SPON1: variants seen among roughly 807,000 people sequenced by gnomAD.
SPON1 encodes the protein spondin-1.
Under a neutral mutation model 111.7 loss-of-function variants are expected in SPON1, and 52 were observed. The observed-to-expected ratio is 0.47, with a 90% CI of 0.37 to 0.59. The LOEUF is 0.59. Ranked by LOEUF, SPON1 falls within the 20% of genes least tolerant of loss-of-function variation. The pLI is 0.00. For missense variants in SPON1, 957 were observed against 1,068.5 expected, an observed-to-expected ratio of 0.90 and a Z score of 1.46; for synonymous variants, 410 against 395.8, an observed-to-expected ratio of 1.04 and a Z score of -0.43.
intron 6 of SPON1, among the ~76,000 whole-genome samples, chr11:14,182,160 T>A (rs1244239400): frequency 1.3e-5 from 2 of 152,202 alleles, no homozygotes; most frequent in Admixed American, 1.3e-4. Flanking sequence ...TTAAGCTCCC[T>A]GATATACCCC....
In SPON1 at chr11:14,167,899, G is replaced by A. The variant is rs540821810; in HGVS notation, c.825+32331G>A. 3.3e-5 allele frequency among the ~76,000 whole-genome samples: 5 copies of A among 152,134 alleles called. No individual in the cohort carries two copies. In the East Asian group the frequency reaches 9.6e-4, roughly 29 times the overall value. ...AAATTAACCAAACCCTTTTCACTTT[G>A]CTTAAGACTTCAGTTTTGTCCCATT... On this transcript the variant is annotated intron_variant, in intron 6 of 15. Coordinates refer to ENST00000576479, the MANE Select transcript of SPON1 (RefSeq NM_006108.4).
At chr11:14,183,135 G>A (rs1848252403) in intron 6 of SPON1, among the ~76,000 whole-genome samples, 1 of 152,176 alleles carries the variant, frequency 6.6e-6, no homozygotes, top group Admixed American at 6.5e-5. Flanking sequence ...TGTATTTGAT[G>A]TCATTCTTTT....
chr11:14,204,131 A>G (rs1324465056), intron 6 of SPON1, among the ~76,000 whole-genome samples: 2 of 152,206 alleles, frequency 1.3e-5, no homozygotes, highest in Non-Finnish European at 2.9e-5. Context: ...AATCCTTGGG[A>G]GACCCCGATA....
intron 4 of SPON1, among the ~76,000 whole-genome samples, chr11:14,076,011 T>C (rs1251974599): frequency 1.3e-5 from 2 of 152,106 alleles, no homozygotes; most frequent in Non-Finnish European, 2.9e-5. Context: ...GAGACCTGAG[T>C]TTAGATCAGG....
chr11:14,184,831 G>A (rs1848269506), intron 6 of SPON1, among the ~76,000 whole-genome samples: 1 of 152,160 alleles, frequency 6.6e-6, no homozygotes, highest in Non-Finnish European at 1.5e-5. Context: ...CAGCCTTTGG[G>A]ATCCCTGAAA....
At position 14,135,540 on chromosome 11, in the gene SPON1, T is replaced by G. The variant is rs1554927987; in HGVS notation, c.797T>G (p.Val266Gly). ...VKQVAELGSP[V>G]KMEEEIRQQS... ...CAAGTTGCAGAATTGGGCTCACCCG[T>G]GAAAATGGAGGAAGAAATTCGACAA... Residue 266 changes from valine to glycine, a missense_variant, in exon 6 of 16, where the codon GTG becomes GGG. Transcript: ENST00000576479. The surrounding 1 kb of genome is among the most constrained non-coding windows in gnomAD (Gnocchi z 4.4). 6.2e-7 allele frequency: 1 copy of G among 1,613,214 alleles called. No homozygotes were observed.
chr11:14,256,715 A>G (rs782445397), intron 10 of SPON1, 23 bp downstream of exon 10: 3 of 1,586,606 alleles, frequency 1.9e-6, no homozygotes. Flanking sequence ...CTTTTGTTGC[A>G]GGTGGCAACA....
At chr11:14,197,313 C>T (rs1030654522) in intron 6 of SPON1, among the ~76,000 whole-genome samples, 2 of 152,086 alleles carry the variant, frequency 1.3e-5, no homozygotes, top group Non-Finnish European at 2.9e-5. Context: ...TGATCTCCCC[C>T]CTTACATTTC....
chr11:14,109,264 C>T (rs137884452), intron 5 of SPON1, among the ~76,000 whole-genome samples: 70 of 152,240 alleles, frequency 4.6e-4, no homozygotes, highest in African/African-American at 1.0e-3. Flanking sequence ...GTTCATACCA[C>T]GATAAATAGA....
At chr11:14,190,474 T>TCTTC (rs555398954) in intron 6 of SPON1, among the ~76,000 whole-genome samples, 2 of 151,436 alleles carry the variant, frequency 1.3e-5, no homozygotes, top group Non-Finnish European at 2.9e-5. Flanking sequence ...CTTTCCTCCT[T>TCTTC]CTTCCTTCCT....
At chr11:14,091,321 G>A (rs187040703) in intron 5 of SPON1, among the ~76,000 whole-genome samples, 145 of 152,340 alleles carry the variant, frequency 9.5e-4, no homozygotes, top group Admixed American at 3.7e-3. Context: ...CCCGTGCCGA[G>A]CGCTGGCATT....
chr11:14,144,306 G>T (rs1847693423), intron 6 of SPON1, among the ~76,000 whole-genome samples: 1 of 152,052 alleles, frequency 6.6e-6, no homozygotes, highest in Non-Finnish European at 1.5e-5. Context: ...AGAGCATAAA[G>T]ACAAGGAAAA....
At chr11:14,005,703 C>T (rs1465417751) in intron 2 of SPON1, among the ~76,000 whole-genome samples, 1 of 139,520 alleles carries the variant, frequency 7.2e-6, no homozygotes, top group Non-Finnish European at 1.5e-5. Flanking sequence ...CATTAGAGTC[C>T]TTGGCACATA....
At chr11:14,126,464 A>G (rs1288131315) in intron 5 of SPON1, among the ~76,000 whole-genome samples, 1 of 152,222 alleles carries the variant, frequency 6.6e-6, no homozygotes, top group Non-Finnish European at 1.5e-5. Flanking sequence ...ATCTCCCTGG[A>G]GTAGCTTTTT....
At chr11:13,963,446 G>A (rs1554907737) in intron 1 of SPON1, among the ~76,000 whole-genome samples, 1 of 152,212 alleles carries the variant, frequency 6.6e-6, no homozygotes, top group East Asian at 1.9e-4. Context: ...TGCAAGGGAG[G>A]CTCGCTTCTC....
At chr11:14,131,060 T>C (rs1847522477) in intron 5 of SPON1, among the ~76,000 whole-genome samples, 1 of 152,214 alleles carries the variant, frequency 6.6e-6, no homozygotes, top group Non-Finnish European at 1.5e-5. Context: ...CTTTTGATCA[T>C]GTTTCCCCCT....
At chr11:14,160,586 CATAT>C (rs373243915) in intron 6 of SPON1, among the ~76,000 whole-genome samples, 3 of 8,668 alleles carry the variant, frequency 3.5e-4, no homozygotes, top group Admixed American at 2.7e-3. Context: ...TATATATTTA[CATAT>C]ATATATTTAT....
chr11:14,192,401 T>C (rs1398141204), intron 6 of SPON1, among the ~76,000 whole-genome samples: 1 of 152,148 alleles, frequency 6.6e-6, no homozygotes, highest in Non-Finnish European at 1.5e-5. Context: ...AATGAATAAG[T>C]CATTTGTAGC....
intron 6 of SPON1, among the ~76,000 whole-genome samples, chr11:14,229,661 C>T (rs1848774704): frequency 6.6e-6 from 1 of 152,156 alleles, no homozygotes. Flanking sequence ...GACGGGAGCC[C>T]AGCACAGTGT....
Sources: allele counts gnomAD v4.1 joint callset (sites outside exome capture counted in the v4.1 genomes callset), GRCh38; gene constraint gnomAD v4.1.1; non-coding constraint Gnocchi (gnomAD v3.1); transcripts MANE v1.5; gene names NCBI Gene and HGNC (gene_info 2026-07-23, HGNC 2026-07-21).